DLG2: variants seen among roughly 807,000 people sequenced by gnomAD.
The protein encoded by DLG2 is discs large MAGUK scaffold protein 2, also known as disks large homolog 2.
A neutral mutation model predicts 132.5 loss-of-function variants in DLG2; 45 were observed. The ratio of observed to expected loss-of-function variants is 0.34; its 90% CI spans 0.27 to 0.44. The LOEUF (loss-of-function observed/expected upper bound fraction) is 0.44, where lower values mean the gene tolerates loss of function less well. DLG2 is among the 20% of genes least tolerant of loss of function. DLG2 has a pLI of 1.00. For synonymous variants in DLG2, 424 were observed against 419.6 expected (o/e 1.01, Z -0.13); for missense variants, 1,045 against 1,196.9 (o/e 0.87, Z 1.87).
intron 6 of DLG2, among the ~76,000 whole-genome samples, chr11:84,962,957 G>A (rs56046810): frequency 0.081 from 12,372 of 152,100 alleles, 810 homozygotes; most frequent in Non-Finnish European, 0.11. Context: ...CAAACCCATA[G>A]GACTATCTTG....
intron 2 of DLG2, among the ~76,000 whole-genome samples, chr11:85,612,147 T>G (rs1299676619): frequency 6.6e-6 from 1 of 152,232 alleles, no homozygotes; most frequent in East Asian, 1.9e-4. Flanking sequence ...AATTGATAAT[T>G]GAAGGTCTTC....
chr11:84,131,059 T>C (rs552482706), intron 9 of DLG2, among the ~76,000 whole-genome samples: 6 of 152,138 alleles, frequency 3.9e-5, no homozygotes, highest in African/African-American at 9.6e-5. Flanking sequence ...ACATTCCCAA[T>C]AGTGATAGCC....
At chr11:85,007,085 T>A (rs1417384561) in intron 6 of DLG2, among the ~76,000 whole-genome samples, 1 of 152,182 alleles carries the variant, frequency 6.6e-6, no homozygotes, top group Admixed American at 6.6e-5. Context: ...TTTATTCTTA[T>A]GAAACTCCGT....
intron 16 of DLG2, among the ~76,000 whole-genome samples, chr11:83,844,664 G>A (rs2058285121): frequency 6.6e-6 from 1 of 151,858 alleles, no homozygotes; most frequent in South Asian, 2.1e-4. Flanking sequence ...GAGAATAAAG[G>A]AGGGAGAGTC....
At chr11:85,536,864 C>T (rs967045984) in intron 3 of DLG2, among the ~76,000 whole-genome samples, 3 of 152,226 alleles carry the variant, frequency 2.0e-5, no homozygotes, top group Admixed American at 6.5e-5. Context: ...GGGACGAGCT[C>T]CCTCTGGGCT....
intron 3 of DLG2, among the ~76,000 whole-genome samples, chr11:85,511,139 G>A (rs1421310640): frequency 5.3e-5 from 8 of 152,010 alleles, no homozygotes; most frequent in Admixed American, 1.3e-4. Flanking sequence ...ACCGAACACC[G>A]CATGTTCTCA....
chr11:84,916,767 C>T (rs762788806), intron 6 of DLG2, among the ~76,000 whole-genome samples: 6 of 152,208 alleles, frequency 3.9e-5, no homozygotes, highest in East Asian at 1.9e-4. Context: ...AAGTCCTACA[C>T]GATCTTTTCA....
chr11:85,318,922 A>G (rs1169955908), intron 3 of DLG2, among the ~76,000 whole-genome samples: 3 of 151,896 alleles, frequency 2.0e-5, no homozygotes, highest in African/African-American at 7.2e-5. Context: ...ACAATTTGCC[A>G]CTGCTAATTT....
At chr11:83,639,742 A>C (rs2065919792) in intron 18 of DLG2, among the ~76,000 whole-genome samples, 1 of 151,688 alleles carries the variant, frequency 6.6e-6, no homozygotes. Context: ...ATGTACCCTA[A>C]AACTTAAAGT....
At chr11:84,796,917 G>A (rs149206346) in intron 6 of DLG2, among the ~76,000 whole-genome samples, 10,360 of 151,820 alleles carry the variant, frequency 0.068, 459 homozygotes, top group Middle Eastern at 0.12. Context: ...TGCAATTTCG[G>A]CTCACTGCAA....
chr11:83,633,203 T>C lies in DLG2; in HGVS notation c.1940+8A>G. The C allele has an allele frequency of 3.7e-6, 6 of 1,612,898 alleles. No individual in the cohort carries two copies. The highest frequency in any genetic ancestry group is 5.1e-6 in the Non-Finnish European group (6 of 1,179,008). On this transcript the variant is annotated splice_region_variant and intron_variant, in intron 19 of 27. Coordinates refer to ENST00000376104, the MANE Select transcript of DLG2 (RefSeq NM_001142699.3). ...AAAGTGCAGATAGAGAAATACTCCTTTGCCTACCTGACGTAGAGGGAGCGT... is the reference window on the plus strand; with the variant it reads ...AAAGTGCAGATAGAGAAATACTCCTCTGCCTACCTGACGTAGAGGGAGCGT...
Position 83,910,359 on chromosome 11 carries a change from G to A in DLG2, c.1496+19969C>T, listed in dbSNP as rs144297680. ...GGAACTAAGAAAATATTCGATTAAT[G>A]GTCAGTCAGTGTTTTCATTAAAGTT... On this transcript the variant is annotated intron_variant, in intron 15 of 27. Coordinates refer to ENST00000376104, the MANE Select transcript of DLG2 (RefSeq NM_001142699.3). Among the ~76,000 whole-genome samples the A allele has an allele frequency of 9.7e-4, 147 of 152,166 alleles. 2 individuals carry two copies. The East Asian group carries it at 0.024, about 25-fold the overall frequency.
At chr11:83,894,655 T>C (rs574803645) in intron 15 of DLG2, among the ~76,000 whole-genome samples, 84 of 152,332 alleles carry the variant, frequency 5.5e-4, no homozygotes, top group African/African-American at 2.0e-3. Context: ...GTCGAGAACA[T>C]GACAAATCTT....
Position 85,083,619 on chromosome 11 carries a change from C to T in DLG2, c.357+28042G>A, listed in dbSNP as rs1047574303. ...ATGGAAGGTAGGACAACTCAAAGTT[C>T]GGCAGGGGGGCTTCTAGGTCATAGG... On this transcript the variant is annotated intron_variant, in intron 6 of 27. Coordinates refer to ENST00000376104, the MANE Select transcript of DLG2 (RefSeq NM_001142699.3). Among the ~76,000 whole-genome samples, 20 of 152,060 alleles carry T rather than the reference C, an allele frequency of 1.3e-4. 1 individual carries two copies. The highest frequency in any genetic ancestry group is 4.6e-4 in the Admixed American group (7 of 15,264).
At chr11:83,699,812 T>A (rs2082579261) in intron 18 of DLG2, among the ~76,000 whole-genome samples, 1 of 133,124 alleles carries the variant, frequency 7.5e-6, no homozygotes, top group Non-Finnish European at 1.5e-5. Flanking sequence ...GGGCTAAAAA[T>A]TTATCTATCT....
chr11:84,910,759 AAAAAACAAC>A (rs758282000), intron 6 of DLG2, among the ~76,000 whole-genome samples: 34 of 107,764 alleles, frequency 3.2e-4, no homozygotes, highest in Non-Finnish European at 6.3e-4. Flanking sequence ...AAAAAGGAAG[AAAAAACAAC>A]AACAACAACA....
chr11:85,546,818 C>CTTTTTTTTTTT (rs34822004), intron 3 of DLG2, among the ~76,000 whole-genome samples: 26 of 69,002 alleles, frequency 3.8e-4, no homozygotes, highest in Admixed American at 7.4e-4. Context: ...ATAACCCCTG[C>CTTTTTTTTTTT]TTTTTTTTTT....
At chr11:85,346,470 A>C (rs998551192) in intron 3 of DLG2, among the ~76,000 whole-genome samples, 1 of 152,084 alleles carries the variant, frequency 6.6e-6, no homozygotes, top group African/African-American at 2.4e-5. Flanking sequence ...TTACAGGCTT[A>C]AGCCACCGCG....
chr11:85,229,922 T>G (rs2075201835), intron 4 of DLG2, among the ~76,000 whole-genome samples: 1 of 151,826 alleles, frequency 6.6e-6, no homozygotes, highest in Non-Finnish European at 1.5e-5. Context: ...TGGTGGGAGT[T>G]GAACAATGAG....
Sources: gnomAD v4.1 joint callset for allele counts (sites outside exome capture counted in the v4.1 genomes callset) on GRCh38, gnomAD v4.1.1 for gene constraint, MANE v1.5 for transcripts, NCBI Gene and HGNC (gene_info 2026-07-23, HGNC 2026-07-21) for gene names.